SLC39A11: variants seen among roughly 807,000 people sequenced by gnomAD.
SLC39A11 encodes zinc transporter ZIP11.
A neutral mutation model predicts 36.1 loss-of-function variants in SLC39A11; 33 were observed. The observed-to-expected ratio is 0.91, with a 90% CI of 0.69 to 1.22. The LOEUF is 1.22. Among genes scored for constraint, SLC39A11 ranks in the 50% most tolerant of loss-of-function variants. SLC39A11 has a pLI of 0.00. For missense variants in SLC39A11, 432 were observed against 430.3 expected, an observed-to-expected ratio of 1.00 and a Z score of -0.03; for synonymous variants, 166 against 170.3, an observed-to-expected ratio of 0.97 and a Z score of 0.20.
intron 3 of SLC39A11, among the ~76,000 whole-genome samples, chr17:73,032,453 C>T (rs1020941159): frequency 2.0e-5 from 3 of 152,112 alleles, no homozygotes; most frequent in Non-Finnish European, 4.4e-5. Context: ...GTGACCCACC[C>T]ACCTCGGCCT....
chr17:72,671,552 C>T (rs2071020723), intron 7 of SLC39A11, among the ~76,000 whole-genome samples: 1 of 152,114 alleles, frequency 6.6e-6, no homozygotes, highest in South Asian at 2.1e-4. Context: ...GAAACTCAAT[C>T]TCTACTAAAA....
chr17:72,743,584 T>G (rs2074807352), intron 6 of SLC39A11, among the ~76,000 whole-genome samples: 1 of 152,136 alleles, frequency 6.6e-6, no homozygotes, highest in Non-Finnish European at 1.5e-5. Context: ...GAAGAGGTCC[T>G]GGGGGAAGAC....
intron 5 of SLC39A11, among the ~76,000 whole-genome samples, chr17:72,943,089 C>T (rs2085215192): frequency 1.3e-5 from 2 of 152,124 alleles, no homozygotes; most frequent in African/African-American, 4.8e-5. Flanking sequence ...TGAAAGAGGA[C>T]ACTGTGATAC....
intron 4 of SLC39A11, among the ~76,000 whole-genome samples, chr17:73,002,582 T>C (rs4969047): frequency 0.77 from 117,362 of 152,150 alleles, 45,651 homozygotes; most frequent in Middle Eastern, 0.91. Context: ...TTTCCTTCAA[T>C]GGCACAGAGC....
intron 6 of SLC39A11, among the ~76,000 whole-genome samples, chr17:72,809,480 C>T (rs1030150755): frequency 6.6e-6 from 1 of 152,146 alleles, no homozygotes; most frequent in African/African-American, 2.4e-5. Context: ...TTATGCAGGA[C>T]ATTTCAGCTT....
chr17:73,043,260 C>A (rs562106617), intron 3 of SLC39A11, among the ~76,000 whole-genome samples: 1 of 152,132 alleles, frequency 6.6e-6, no homozygotes, highest in Non-Finnish European at 1.5e-5. Context: ...TACACAGAGG[C>A]TTATGTTGTG....
intron 6 of SLC39A11, among the ~76,000 whole-genome samples, chr17:72,831,588 A>G (rs554111985): frequency 6.6e-6 from 1 of 152,248 alleles, no homozygotes; most frequent in Non-Finnish European, 1.5e-5. Flanking sequence ...CTGACTCCCA[A>G]TGCTTACTTA....
chr17:73,026,187 GAGAGAAGAGAAGGGA>G (rs2058537157), intron 4 of SLC39A11, among the ~76,000 whole-genome samples: 1 of 3,596 alleles, frequency 2.8e-4, no homozygotes, highest in South Asian at 0.018. Flanking sequence ...AGAAAGAGAA[GAGAGAAGAGAAGGGA>G]AGAGAAGAGA....
chr17:72,939,684 G>T (rs755668281), intron 5 of SLC39A11, among the ~76,000 whole-genome samples: 1 of 152,124 alleles, frequency 6.6e-6, no homozygotes, highest in Non-Finnish European at 1.5e-5. Flanking sequence ...GCCAGGAAAC[G>T]CTGGGGGCCA....
At chr17:72,990,727 C>T (rs1172830897) in intron 4 of SLC39A11, among the ~76,000 whole-genome samples, 1 of 152,046 alleles carries the variant, frequency 6.6e-6, no homozygotes, top group African/African-American at 2.4e-5. Context: ...CGTGCCTGTC[C>T]CATATCAGGA....
chr17:72,676,344 A>T (rs2071261200), intron 7 of SLC39A11, among the ~76,000 whole-genome samples: 2 of 152,132 alleles, frequency 1.3e-5, no homozygotes, highest in Admixed American at 1.3e-4. Flanking sequence ...CTTCAACAGA[A>T]ATCTTAGATA....
intron 6 of SLC39A11, among the ~76,000 whole-genome samples, chr17:72,753,411 CTT>C (rs2075231083): frequency 6.6e-6 from 1 of 152,154 alleles, no homozygotes; most frequent in African/African-American, 2.4e-5. Context: ...ATCCATTTAA[CTT>C]TCTAAAAGAA....
intron 6 of SLC39A11, among the ~76,000 whole-genome samples, chr17:72,772,848 C>T (rs1212634677): frequency 6.6e-6 from 1 of 152,160 alleles, no homozygotes; most frequent in African/African-American, 2.4e-5. Context: ...CTTTGGGAGG[C>T]CAAGGTGGAT....
At chr17:72,657,056 A>T (rs2070160535) in intron 7 of SLC39A11, among the ~76,000 whole-genome samples, 2 of 151,792 alleles carry the variant, frequency 1.3e-5, no homozygotes, top group Admixed American at 1.3e-4. Flanking sequence ...TTTCAAAATC[A>T]TTCCTCAAAA....
At chr17:72,662,577 AG>A (rs2070498533) in intron 7 of SLC39A11, among the ~76,000 whole-genome samples, 1 of 148,838 alleles carries the variant, frequency 6.7e-6, no homozygotes, top group East Asian at 2.0e-4. Flanking sequence ...GAAAAAGGAA[AG>A]AAAGGAAGGA....
rs551239860 is a variant in SLC39A11, at chr17:72,984,375, A to AT, written c.307-36501dup. 4.7e-4 allele frequency among the ~76,000 whole-genome samples: 12 copies of AT among 25,646 alleles called. No homozygotes were observed. In the South Asian group the frequency reaches 0.038, roughly 81 times the overall value. The allele number at this position is 25,646 out of a possible 152,430, so 16.8% of individuals were successfully genotyped here. On this transcript the variant is annotated intron_variant, in intron 4 of 9. Transcript: ENST00000255559. Reference sequence around the variant, plus strand: ...AATAAAGCTTTATTGGAACTCAGACATTTAAAAAAAAAAAAAAAGAAAGAA... The same window carrying AT: ...AATAAAGCTTTATTGGAACTCAGACATTTTAAAAAAAAAAAAAAAGAAAGAA...
chr17:73,088,842 G>A (rs111787364), intron 1 of SLC39A11, 67 bp from the exon 2 acceptor site: 93 of 1,162,554 alleles, frequency 8.0e-5, no homozygotes, highest in African/African-American at 4.6e-4. Flanking sequence ...ATATTCTGAC[G>A]GGTCCTAACA....
intron 2 of SLC39A11, 21 bp downstream of exon 2, chr17:73,088,635 GA>G: frequency 1.3e-6 from 2 of 1,597,372 alleles, no homozygotes; most frequent in Non-Finnish European, 1.7e-6. Context: ...CCAACATCCA[GA>G]ACCAAAGCAA....
chr17:73,080,113 C>A (rs1318010462), intron 3 of SLC39A11, among the ~76,000 whole-genome samples: 2 of 152,166 alleles, frequency 1.3e-5, no homozygotes, highest in Non-Finnish European at 2.9e-5. Context: ...CACCATCATT[C>A]TTCACAGAAC....
Sources: gnomAD v4.1 joint callset for allele counts (sites outside exome capture counted in the v4.1 genomes callset) on GRCh38, gnomAD v4.1.1 for gene constraint, MANE v1.5 for transcripts, NCBI Gene and HGNC (gene_info 2026-07-23, HGNC 2026-07-21) for gene names.